FEZ1: variants seen among roughly 807,000 people sequenced by gnomAD.
FEZ1 encodes fasciculation and elongation protein zeta 1.
In FEZ1, 20 loss-of-function variants were observed where a neutral mutation model predicts 49.3. The observed-to-expected ratio is 0.41, with a 90% confidence interval of 0.29 to 0.59. The LOEUF (loss-of-function observed/expected upper bound fraction) is 0.59, where lower values mean the gene tolerates loss of function less well. Ranked by LOEUF, FEZ1 falls within the 20% of genes least tolerant of loss-of-function variation. The pLI is 0.36. For synonymous variants in FEZ1, 170 were observed against 180.9 expected (o/e 0.94, Z 0.48); for missense variants, 413 against 476.0 (o/e 0.87, Z 1.23).
chr11:125,453,705 A>G (rs1298645191), intron 7 of FEZ1: 1 of 154,468 alleles, frequency 6.5e-6, no homozygotes, highest in Non-Finnish European at 1.4e-5. Context: ...ACAAAAAGCC[A>G]CAGCATGGGT....
rs747132608 is a variant in FEZ1 at position 125,475,889 on chromosome 11, G to GA, written c.411+5644dup. Among the ~76,000 whole-genome samples, 20 of 151,804 alleles carry GA rather than the reference G, an allele frequency of 1.3e-4. No homozygotes were observed. The South Asian group carries it at 1.7e-3, about 13-fold the overall frequency. ...CTTCATTTGAAATATGCAAAAAGTA[G>GA]AAAAAAAACTGTTCATCTATAAGCG... On this transcript the variant is annotated intron_variant, in intron 3 of 9. Transcript: ENST00000278919.
At position 125,493,362 on chromosome 11, in the gene FEZ1, A is replaced by AAAAGAAAG. The variant is rs555223569; in HGVS notation, c.-46+2751_-46+2758dup. On this transcript the variant is annotated intron_variant, in intron 1 of 9. Transcript: ENST00000278919. ...GAAAGAAAGAAAGAAAGAAAGAGAG[A>AAAAGAAAG]AAAGAAAGAAAGAAAGAAAGAAAGA... Among the ~76,000 whole-genome samples, 122 of 49,574 alleles carry AAAAGAAAG rather than the reference A, an allele frequency of 2.5e-3. 7 individuals are homozygous for AAAAGAAAG. The highest frequency in any genetic ancestry group is 8.2e-3 in the South Asian group (10 of 1,222). 32.5% of individuals were successfully genotyped at this position (49,574 alleles called of 152,430 possible). A position where few individuals can be genotyped will look rare whatever the true frequency, so the allele number is the denominator to read the frequency against.
At chr11:125,487,167 C>G (rs911697532) in intron 2 of FEZ1, among the ~76,000 whole-genome samples, 3 of 152,138 alleles carry the variant, frequency 2.0e-5, no homozygotes, top group Admixed American at 2.0e-4. Context: ...GCTCATTGGG[C>G]CTTCATCCTT....
At chr11:125,462,883 C>T (rs1328807406) in intron 4 of FEZ1, among the ~76,000 whole-genome samples, 1 of 151,692 alleles carries the variant, frequency 6.6e-6, no homozygotes, top group African/African-American at 2.4e-5. Flanking sequence ...GCCTGTAGTC[C>T]CAGCTACTTA....
intron 2 of FEZ1, among the ~76,000 whole-genome samples, chr11:125,484,292 T>G (rs887564098): frequency 1.3e-5 from 2 of 152,224 alleles, no homozygotes; most frequent in Non-Finnish European, 2.9e-5. Flanking sequence ...AGAAAAAAAT[T>G]GAAACATAGT....
intron 8 of FEZ1, among the ~76,000 whole-genome samples, chr11:125,449,966 G>A (rs920221820): frequency 1.3e-5 from 2 of 151,832 alleles, no homozygotes; most frequent in African/African-American, 4.8e-5. Flanking sequence ...TATTTCTTCT[G>A]TATCTTTAGA....
intron 1 of FEZ1, among the ~76,000 whole-genome samples, chr11:125,492,873 C>T (rs1223572926): frequency 6.7e-6 from 1 of 149,960 alleles, no homozygotes; most frequent in Non-Finnish European, 1.5e-5. Flanking sequence ...GAGGCTGAGG[C>T]AGGAGGATTG....
chr11:125,488,519 A>G (rs1957349229), intron 2 of FEZ1, among the ~76,000 whole-genome samples: 1 of 152,168 alleles, frequency 6.6e-6, no homozygotes, highest in Non-Finnish European at 1.5e-5. Flanking sequence ...ATCTCTACTC[A>G]AAATACAAAA....
At position 125,444,013 on chromosome 11, in the gene FEZ1, G is replaced by A. The variant is rs377393905; in HGVS notation, c.*2082C>T. On this transcript the variant is annotated 3_prime_UTR_variant, in exon 10 of 10. Coordinates refer to ENST00000278919, the MANE Select transcript of FEZ1 (RefSeq NM_005103.5). Reference sequence around the variant, plus strand: ...TTTGCTGAGGCTGGTGAAAAACCCCGTCGCCGGCAGAGTGCTAAACATGCT... The same window carrying A: ...TTTGCTGAGGCTGGTGAAAAACCCCATCGCCGGCAGAGTGCTAAACATGCT... Among the ~76,000 whole-genome samples the A allele has an allele frequency of 4.6e-5, 7 of 152,328 alleles. No homozygotes were observed. Among genetic ancestry groups the A allele is most frequent in the South Asian group, 4.1e-4 (2 of 4,832 alleles).
At chr11:125,475,869 T>C (rs1270993254) in intron 3 of FEZ1, among the ~76,000 whole-genome samples, 1 of 152,176 alleles carries the variant, frequency 6.6e-6, no homozygotes, top group Non-Finnish European at 1.5e-5. Context: ...AGCAGCTTCA[T>C]TTGAAATATG....
chr11:125,465,934 C>T (rs1957125545), intron 3 of FEZ1, among the ~76,000 whole-genome samples: 1 of 152,194 alleles, frequency 6.6e-6, no homozygotes, highest in African/African-American at 2.4e-5. Context: ...TCCTTCCCTC[C>T]CCTCCTTGAC....
chr11:125,465,172 T>A (rs964216702), intron 3 of FEZ1, among the ~76,000 whole-genome samples: 2 of 152,166 alleles, frequency 1.3e-5, no homozygotes, highest in African/African-American at 4.8e-5. Context: ...TTCATAAGCA[T>A]CTAACAGCAA....
chr11:125,471,884 G>A (rs895880077), intron 3 of FEZ1, among the ~76,000 whole-genome samples: 3 of 152,004 alleles, frequency 2.0e-5, no homozygotes, highest in Non-Finnish European at 4.4e-5. Context: ...CAGTCTGAAC[G>A]TATTTTAAAA....
chr11:125,452,239 T>C, intron 8 of FEZ1, 95 bp downstream of exon 8: 1 of 832,388 alleles, frequency 1.2e-6, no homozygotes, highest in South Asian at 1.4e-5. Flanking sequence ...AAACCTGCTT[T>C]GAGGAGTCTC....
rs1441051525 is a variant in FEZ1, at chr11:125,445,760, A to G, written c.*335T>C. Reference sequence around the variant, plus strand: ...AAAGCACATGAAGAATATTAATTAAATGAAGGTTTTATTTCAAAATTAGTC... The same window carrying G: ...AAAGCACATGAAGAATATTAATTAAGTGAAGGTTTTATTTCAAAATTAGTC... On this transcript the variant is annotated 3_prime_UTR_variant, in exon 10 of 10. Coordinates refer to ENST00000278919, the MANE Select transcript of FEZ1 (RefSeq NM_005103.5). This position sits in a 1 kb window ranked among gnomAD's most constrained non-coding sequence, Gnocchi z 4.4. 1.3e-5 allele frequency: 5 copies of G among 372,128 alleles called. No homozygotes were observed. Among genetic ancestry groups the G allele is most frequent in the African/African-American group, 1.1e-4 (5 of 47,558 alleles). 23.1% of individuals were successfully genotyped at this position (372,128 alleles called of 1,614,324 possible). A position where few individuals can be genotyped will look rare whatever the true frequency, so the allele number is the denominator to read the frequency against.
In FEZ1 at chr11:125,460,633, A is replaced by G. The variant is rs1440222371; in HGVS notation, c.532T>C (p.Ser178Pro). The part of the protein sequence containing the change: ...IEEIEEMMQN[S>P]PDPEEEEEVL... ...TCCTCTTCTTCCTCAGGGTCTGGGG[A>G]GTTCTGCATCATTTCCTCAATCTCC... The change falls in exon 5 of 10, where the codon TCC becomes CCC. Residue 178 changes from serine to proline, a missense_variant. Coordinates refer to ENST00000278919, the MANE Select transcript of FEZ1 (RefSeq NM_005103.5). 6.2e-7 allele frequency: 1 copy of G among 1,613,772 alleles called. No homozygotes were observed. The highest frequency in any genetic ancestry group is 1.3e-5 in the African/African-American group (1 of 74,874).
chr11:125,471,657 A>C (rs772853998), intron 3 of FEZ1, among the ~76,000 whole-genome samples: 1 of 152,196 alleles, frequency 6.6e-6, no homozygotes, highest in Non-Finnish European at 1.5e-5. Context: ...AAATAAATGC[A>C]CAACAATGGT....
At chr11:125,479,680 C>A (rs1591597675) in intron 3 of FEZ1, among the ~76,000 whole-genome samples, 1 of 152,194 alleles carries the variant, frequency 6.6e-6, no homozygotes, top group African/African-American at 2.4e-5. Context: ...CAAGGGAGCA[C>A]TTTAGACCCT....
At chr11:125,486,878 G>A (rs1367956267) in intron 2 of FEZ1, among the ~76,000 whole-genome samples, 1 of 152,202 alleles carries the variant, frequency 6.6e-6, no homozygotes, top group Non-Finnish European at 1.5e-5. Context: ...AACAAAGTGT[G>A]TAACAGAATT....
Sources: allele counts gnomAD v4.1 joint callset (sites outside exome capture counted in the v4.1 genomes callset), GRCh38; gene constraint gnomAD v4.1.1; non-coding constraint Gnocchi (gnomAD v3.1); transcripts MANE v1.5; gene names NCBI Gene and HGNC (gene_info 2026-07-23, HGNC 2026-07-21).